The following NPEPPS variants were observed in gnomAD, a reference collection of about 807,000 sequenced individuals.
NPEPPS encodes puromycin-sensitive aminopeptidase.
In NPEPPS, 14 loss-of-function variants were observed where a neutral mutation model predicts 115.5. The observed-to-expected ratio is 0.12, with a 90% CI of 0.08 to 0.19. The LOEUF (loss-of-function observed/expected upper bound fraction) is 0.19, where lower values mean the gene tolerates loss of function less well. NPEPPS is among the 10% of genes least tolerant of loss of function. The pLI is 1.00. For missense variants in NPEPPS, 523 were observed against 1,110.8 expected (o/e 0.47, Z 7.52); for synonymous variants, 285 against 390.6 (o/e 0.73, Z 3.19).
At chr17:47,620,349 G>C (rs370618964) in intron 22 of NPEPPS, 3 of 152,326 alleles carry the variant, frequency 2.0e-5, no homozygotes, top group African/African-American at 7.2e-5. Context: ...TTGGAATGGG[G>C]AAGAGAAGAT....
intron 1 of NPEPPS, among the ~76,000 whole-genome samples, chr17:47,531,906 C>T (rs1301438588): frequency 2.6e-5 from 4 of 152,112 alleles, no homozygotes; most frequent in African/African-American, 9.6e-5. Context: ...GATAGTGTTC[C>T]GGGGGAGGCT....
intron 2 of NPEPPS, among the ~76,000 whole-genome samples, chr17:47,553,759 CTTT>C (rs745894618): frequency 1.4e-5 from 2 of 144,322 alleles, no homozygotes; most frequent in Admixed American, 7.0e-5. Context: ...GTCTCTCTCT[CTTT>C]TTTTTTTTTT....
In NPEPPS at chr17:47,570,504, T is replaced by C. The variant is rs373476667; in HGVS notation, c.418+1010T>C. Among the ~76,000 whole-genome samples, 68 of 152,324 alleles carry C rather than the reference T, an allele frequency of 4.5e-4. 2 individuals carry two copies. The South Asian group carries it at 0.013, about 29-fold the overall frequency. ...CCCTGAAGTGAATGGTCACAGATGA[T>C]TTTGATATACAACCAGAGATCAAAT... On this transcript the variant is annotated intron_variant, in intron 3 of 22. Coordinates refer to ENST00000322157, the MANE Select transcript of NPEPPS (RefSeq NM_006310.4).
chr17:47,540,226 G>A (rs1382290750), intron 1 of NPEPPS, among the ~76,000 whole-genome samples: 2 of 151,762 alleles, frequency 1.3e-5, no homozygotes, highest in African/African-American at 4.8e-5. Context: ...TCCTGGGTTT[G>A]AAACAAAGCA....
In NPEPPS at chr17:47,612,440, T is replaced by A; in HGVS notation, c.2096-20T>A. 12 of 1,613,002 alleles carry A rather than the reference T, an allele frequency of 7.4e-6. No homozygotes were observed. The highest frequency in any genetic ancestry group is 9.3e-6 in the Non-Finnish European group (11 of 1,179,456). On this transcript the variant is annotated intron_variant, in intron 17 of 22. Coordinates refer to ENST00000322157, the MANE Select transcript of NPEPPS (RefSeq NM_006310.4). Reference sequence around the variant, plus strand: ...TAGGCTTTTTAAGTAGTCTTATGTCTCTTTTACTTCTCAAATCAGGTCATC... The same window carrying A: ...TAGGCTTTTTAAGTAGTCTTATGTCACTTTTACTTCTCAAATCAGGTCATC...
intron 14 of NPEPPS, 98 bp downstream of exon 14, chr17:47,599,837 T>G (rs79736898): frequency 2.0e-6 from 2 of 990,978 alleles, no homozygotes; most frequent in East Asian, 5.3e-5. Flanking sequence ...TTTTTTTTTT[T>G]TGAGGAGTCT....
chr17:47,566,508 T>G (rs1206665847), intron 2 of NPEPPS, among the ~76,000 whole-genome samples: 1 of 142,772 alleles, frequency 7.0e-6, no homozygotes, highest in Non-Finnish European at 1.5e-5. Flanking sequence ...GTTTTTTGTT[T>G]TTTTTTTTTT....
intron 19 of NPEPPS, among the ~76,000 whole-genome samples, chr17:47,614,080 C>T (rs1914042717): frequency 6.6e-6 from 1 of 151,980 alleles, no homozygotes; most frequent in East Asian, 1.9e-4. Flanking sequence ...AAGTGATCCT[C>T]CTGCGTCAGC....
intron 9 of NPEPPS, among the ~76,000 whole-genome samples, chr17:47,588,189 A>G (rs1416968864): frequency 6.6e-6 from 1 of 152,260 alleles, no homozygotes; most frequent in Non-Finnish European, 1.5e-5. Flanking sequence ...GAGTTTCTAC[A>G]GAAAGTCAAC....
intron 16 of NPEPPS, among the ~76,000 whole-genome samples, 193 bp from the exon 17 acceptor site, chr17:47,605,137 AAAG>A (rs1388079876): frequency 2.6e-5 from 4 of 152,156 alleles, no homozygotes; most frequent in Non-Finnish European, 5.9e-5. Context: ...GTAAAAAGAA[AAAG>A]AAAAAAATAA....
At chr17:47,575,143 GA>G (rs1911435245) in intron 3 of NPEPPS, among the ~76,000 whole-genome samples, 1 of 152,146 alleles carries the variant, frequency 6.6e-6, no homozygotes, top group Non-Finnish European at 1.5e-5. Context: ...GCTATGCAAT[GA>G]AATTTTGTTT....
intron 1 of NPEPPS, among the ~76,000 whole-genome samples, chr17:47,537,022 A>C (rs1356623770): frequency 6.6e-6 from 1 of 152,024 alleles, no homozygotes; most frequent in Non-Finnish European, 1.5e-5. Flanking sequence ...CATTTTCTGC[A>C]TATTTTCTAT....
chr17:47,561,852 A>C (rs903962068), intron 2 of NPEPPS, among the ~76,000 whole-genome samples: 3 of 152,268 alleles, frequency 2.0e-5, no homozygotes, highest in Non-Finnish European at 2.9e-5. Context: ...GAGGCCAAGA[A>C]GACTCTGAAC....
At chr17:47,529,421 T>G (rs1907571899), upstream of NPEPPS, among the ~76,000 whole-genome samples, 1 of 149,816 alleles carries the variant, frequency 6.7e-6, no homozygotes, top group South Asian at 2.1e-4. Context: ...TTTTTTTTTT[T>G]TTTGAGACAG....
At chr17:47,581,884 C>A (rs533337173) in intron 4 of NPEPPS, 2 of 152,010 alleles carry the variant, frequency 1.3e-5, no homozygotes, top group Non-Finnish European at 2.9e-5. Context: ...TTAGTAGAGA[C>A]GGGGTTTCAC....
chr17:47,601,541 C>T (rs984740659), intron 14 of NPEPPS, 67 bp from the exon 15 acceptor site: 1 of 1,577,168 alleles, frequency 6.3e-7, no homozygotes, highest in Admixed American at 1.7e-5. Flanking sequence ...AGAACACCAC[C>T]ACTCCTCTCT....
chr17:47,574,883 C>T (rs1333418365), intron 3 of NPEPPS, among the ~76,000 whole-genome samples: 1 of 152,104 alleles, frequency 6.6e-6, no homozygotes, highest in Admixed American at 6.6e-5. Flanking sequence ...GTTGAGATTA[C>T]AGGCATGAGC....
chr17:47,593,716 C>A (rs2143882187), intron 12 of NPEPPS, among the ~76,000 whole-genome samples: 1 of 152,318 alleles, frequency 6.6e-6, no homozygotes, highest in Non-Finnish European at 1.5e-5. Flanking sequence ...GTACACCTAG[C>A]CTACATGGTA....
intron 3 of NPEPPS, among the ~76,000 whole-genome samples, chr17:47,571,642 C>T (rs1475313300): frequency 3.9e-5 from 6 of 152,062 alleles, no homozygotes; most frequent in African/African-American, 7.2e-5. Context: ...GGCGTGAACC[C>T]GGGAGGTGGA....
Sources: allele counts gnomAD v4.1 joint callset (sites outside exome capture counted in the v4.1 genomes callset), GRCh38; gene constraint gnomAD v4.1.1; transcripts MANE v1.5; gene names NCBI Gene and HGNC (gene_info 2026-07-23, HGNC 2026-07-21).